The following C8orf34 variants were observed in gnomAD, a reference collection of about 807,000 sequenced individuals.
The protein encoded by C8orf34 is uncharacterized protein C8orf34.
C8orf34 carries 65 observed loss-of-function variants against 68.3 expected under a neutral mutation model. The observed-to-expected ratio is 0.95, with a 90% CI of 0.78 to 1.17. C8orf34 has a LOEUF of 1.17. C8orf34 is among the 50% of genes most tolerant of loss of function. The pLI is 0.00. For synonymous variants in C8orf34, 244 were observed against 241.2 expected (o/e 1.01, Z -0.11); for missense variants, 664 against 655.4 (o/e 1.01, Z -0.14).
intron 6 of C8orf34, chr8:68,525,512 C>A: frequency 1.3e-6 from 1 of 763,082 alleles, no homozygotes. Flanking sequence ...GTATGTATTA[C>A]ATCCCTAGAA....
intron 1 of C8orf34, among the ~76,000 whole-genome samples, chr8:68,420,722 TA>T: frequency 6.6e-6 from 1 of 152,162 alleles, no homozygotes. Flanking sequence ...AATTTCTGTA[TA>T]AAATCTAAAA....
chr8:68,587,905 A>T (rs1817256391), intron 7 of C8orf34, among the ~76,000 whole-genome samples: 1 of 152,182 alleles, frequency 6.6e-6, no homozygotes, highest in African/African-American at 2.4e-5. Flanking sequence ...GCAGTCTCAG[A>T]CTGCATTCAA....
At chr8:68,472,704 A>T (rs1042155236) in intron 4 of C8orf34, among the ~76,000 whole-genome samples, 2 of 152,178 alleles carry the variant, frequency 1.3e-5, no homozygotes, top group African/African-American at 2.4e-5. Flanking sequence ...AGGCACATTT[A>T]AAAAAGGCAA....
intron 10 of C8orf34, among the ~76,000 whole-genome samples, chr8:68,732,683 T>C (rs1167401908): frequency 6.6e-6 from 1 of 152,234 alleles, no homozygotes; most frequent in Non-Finnish European, 1.5e-5. Context: ...AAATATTACC[T>C]AAAAGTTCTT....
intron 5 of C8orf34, among the ~76,000 whole-genome samples, chr8:68,517,962 G>A (rs765652608): frequency 5.9e-5 from 9 of 152,082 alleles, no homozygotes; most frequent in Non-Finnish European, 1.2e-4. Flanking sequence ...TCAATTCCCT[G>A]TTCTGTTTCT....
intron 5 of C8orf34, among the ~76,000 whole-genome samples, chr8:68,504,123 ATC>A (rs1489023080): frequency 6.6e-6 from 1 of 152,070 alleles, no homozygotes; most frequent in African/African-American, 2.4e-5. Context: ...ACGACCACTA[ATC>A]TATTTTCTGT....
chr8:68,397,314 C>T (rs1808758784), intron 1 of C8orf34, among the ~76,000 whole-genome samples: 1 of 152,058 alleles, frequency 6.6e-6, no homozygotes, highest in African/African-American at 2.4e-5. Context: ...AGCAATCTTT[C>T]TTCTCCTAGT....
At chr8:68,471,069 C>T (rs1460258168) in intron 4 of C8orf34, among the ~76,000 whole-genome samples, 3 of 152,020 alleles carry the variant, frequency 2.0e-5, no homozygotes, top group Non-Finnish European at 4.4e-5. Context: ...GGACATTACT[C>T]TTGGGATAAA....
At chr8:68,362,671 G>A (rs1406848474) in intron 1 of C8orf34, among the ~76,000 whole-genome samples, 1 of 152,166 alleles carries the variant, frequency 6.6e-6, no homozygotes, top group Non-Finnish European at 1.5e-5. Flanking sequence ...CAACAGACCT[G>A]CAGCTGAGGG....
At chr8:68,456,501 G>A (rs1467971071) in intron 3 of C8orf34, among the ~76,000 whole-genome samples, 5 of 152,158 alleles carry the variant, frequency 3.3e-5, no homozygotes, top group Admixed American at 1.3e-4. Context: ...ATGAATAAAT[G>A]AGGATAATGT....
intron 7 of C8orf34, 68 bp downstream of exon 7, chr8:68,533,217 A>C: frequency 6.6e-7 from 1 of 1,506,064 alleles, no homozygotes; most frequent in Non-Finnish European, 8.8e-7. Context: ...GTGGTGATTA[A>C]GAGATTTTAA....
At chr8:68,817,755 A>G (rs1415160451) in intron 13 of C8orf34, among the ~76,000 whole-genome samples, 1 of 152,122 alleles carries the variant, frequency 6.6e-6, no homozygotes. Flanking sequence ...ACAGTTCAGC[A>G]TGGCTGGGGA....
At chr8:68,657,824 G>A (rs1819553527) in intron 8 of C8orf34, among the ~76,000 whole-genome samples, 1 of 152,148 alleles carries the variant, frequency 6.6e-6, no homozygotes, top group Non-Finnish European at 1.5e-5. Flanking sequence ...ATAAAGGTGG[G>A]AATAGGGAAG....
chr8:68,354,149 ATATT>A (rs1806643002), intron 1 of C8orf34, among the ~76,000 whole-genome samples: 1 of 152,004 alleles, frequency 6.6e-6, no homozygotes, highest in African/African-American at 2.4e-5. Context: ...ATGTTTTATA[ATATT>A]TATATATTAC....
chr8:68,388,474 C>T (rs1808352003), intron 1 of C8orf34, among the ~76,000 whole-genome samples: 1 of 152,074 alleles, frequency 6.6e-6, no homozygotes. Context: ...AATTTCTCTT[C>T]TATTAAAAAA....
intron 1 of C8orf34, among the ~76,000 whole-genome samples, chr8:68,349,324 C>G (rs932833450): frequency 2.0e-4 from 30 of 152,036 alleles, no homozygotes; most frequent in African/African-American, 6.5e-4. Flanking sequence ...AGGGATGAAG[C>G]CTACTTGATC....
intron 10 of C8orf34, among the ~76,000 whole-genome samples, chr8:68,773,033 G>A (rs58732553): frequency 0.09 from 13,612 of 151,838 alleles, 989 homozygotes; most frequent in East Asian, 0.39. Context: ...TTCATTCCCA[G>A]GTAATTACCA....
At chr8:68,731,440 G>A (rs1004560523) in intron 10 of C8orf34, among the ~76,000 whole-genome samples, 2 of 152,110 alleles carry the variant, frequency 1.3e-5, no homozygotes, top group African/African-American at 4.8e-5. Flanking sequence ...TTTGGAAAAT[G>A]ATTATGTTTA....
chr8:68,543,264 A>C (rs149242353), intron 7 of C8orf34, among the ~76,000 whole-genome samples: 1,604 of 152,230 alleles, frequency 0.011, 39 homozygotes, highest in African/African-American at 0.035. Flanking sequence ...GGCTAATTTC[A>C]GGGCCTTTTA....
Sources: allele counts gnomAD v4.1 joint callset (sites outside exome capture counted in the v4.1 genomes callset), GRCh38; gene constraint gnomAD v4.1.1; transcripts MANE v1.5; gene names NCBI Gene and HGNC (gene_info 2026-07-23, HGNC 2026-07-21).